TENM3: variants seen among roughly 807,000 people sequenced by gnomAD.
The protein encoded by TENM3 is teneurin transmembrane protein 3.
Under a neutral mutation model 255.1 loss-of-function variants are expected in TENM3, and 63 were observed. The observed-to-expected ratio is 0.25, with a 90% CI of 0.20 to 0.30. The LOEUF is 0.30. Among genes scored for constraint, TENM3 ranks in the 10% least tolerant of loss-of-function variants. The pLI, the probability that TENM3 is intolerant of heterozygous loss-of-function variation, is 1.00. For synonymous variants in TENM3, 1,306 were observed against 1,322.3 expected, an observed-to-expected ratio of 0.99 and a Z score of 0.27; for missense variants, 2,929 against 3,461.1, an observed-to-expected ratio of 0.85 and a Z score of 3.86.
At chr4:181,731,862 A>C in the TENM3 span, among the ~76,000 whole-genome samples, 1 of 152,344 alleles carries the variant, frequency 6.6e-6, no homozygotes, top group South Asian at 2.1e-4. Flanking sequence ...TTTTACGAAT[A>C]AATTTTACAT....
the TENM3 span, among the ~76,000 whole-genome samples, chr4:181,645,087 G>GA: frequency 1.1e-4 from 16 of 152,198 alleles, no homozygotes; most frequent in African/African-American, 3.9e-4. Context: ...ATTGGTGAAT[G>GA]ATGTGGATTG....
At chr4:182,397,381 C>A in intron 3 of TENM3, among the ~76,000 whole-genome samples, 1 of 107,712 alleles carries the variant, frequency 9.3e-6, no homozygotes, top group Non-Finnish European at 1.7e-5. Flanking sequence ...AGCCTGGTGA[C>A]AGAGCGAGAC....
At chr4:182,373,096 A>G (rs1272934687) in intron 3 of TENM3, among the ~76,000 whole-genome samples, 1 of 152,210 alleles carries the variant, frequency 6.6e-6, no homozygotes, top group Admixed American at 6.5e-5. Context: ...TGGCAATGGT[A>G]TATACCTGTC....
the TENM3 span, among the ~76,000 whole-genome samples, chr4:181,716,362 G>T: frequency 7.3e-4 from 111 of 152,210 alleles, no homozygotes; most frequent in African/African-American, 2.6e-3. Flanking sequence ...CAATATAAAA[G>T]TTATTGATGA....
intron 19 of TENM3, among the ~76,000 whole-genome samples, chr4:182,750,182 A>G (rs1762275612): frequency 6.6e-6 from 1 of 152,168 alleles, no homozygotes; most frequent in African/African-American, 2.4e-5. Flanking sequence ...TTGTTCTGAA[A>G]TGTTTTTCTT....
chr4:182,029,096 G>A, the TENM3 span, among the ~76,000 whole-genome samples: 2 of 152,108 alleles, frequency 1.3e-5, no homozygotes, highest in East Asian at 1.9e-4. Context: ...GGAAGCAAAC[G>A]TCTGGCATCA....
At chr4:182,394,427 T>C (rs533565331) in intron 3 of TENM3, among the ~76,000 whole-genome samples, 16 of 152,274 alleles carry the variant, frequency 1.1e-4, no homozygotes, top group Admixed American at 7.2e-4. Context: ...ACCCCACTTA[T>C]CTTGTGAAAA....
At chr4:181,923,600 G>A in the TENM3 span, among the ~76,000 whole-genome samples, 1 of 152,096 alleles carries the variant, frequency 6.6e-6, no homozygotes, top group South Asian at 2.1e-4. Flanking sequence ...AATATACCAA[G>A]TAAATCAAGA....
At chr4:182,664,734 A>C (rs981928595) in intron 6 of TENM3, among the ~76,000 whole-genome samples, 1 of 152,204 alleles carries the variant, frequency 6.6e-6, no homozygotes, top group African/African-American at 2.4e-5. Flanking sequence ...ACTGATAAGG[A>C]GAACATTTGA....
chr4:182,272,151 T>C (rs547412484), intron 1 of TENM3, among the ~76,000 whole-genome samples: 1 of 152,332 alleles, frequency 6.6e-6, no homozygotes, highest in East Asian at 1.9e-4. Context: ...AGTCGACGTA[T>C]TTTTGCAAAG....
At chr4:182,629,528 A>C (rs183826894) in intron 5 of TENM3, among the ~76,000 whole-genome samples, 3 of 152,210 alleles carry the variant, frequency 2.0e-5, no homozygotes, top group Admixed American at 2.0e-4. Context: ...TAACCATTTC[A>C]TAACATATCT....
chr4:182,298,387 GA>G (rs1379371972), intron 1 of TENM3, among the ~76,000 whole-genome samples: 7 of 152,300 alleles, frequency 4.6e-5, no homozygotes, highest in African/African-American at 1.7e-4. Flanking sequence ...CCTCAGAGTA[GA>G]TTCTCTTCTC....
the TENM3 span, among the ~76,000 whole-genome samples, chr4:181,801,426 G>A: frequency 5.9e-5 from 9 of 151,972 alleles, no homozygotes; most frequent in South Asian, 4.2e-4. Context: ...TTCAAGCACC[G>A]GTCTAAAAAC....
At chr4:181,849,503 G>T in the TENM3 span, among the ~76,000 whole-genome samples, 1 of 152,120 alleles carries the variant, frequency 6.6e-6, no homozygotes, top group Non-Finnish European at 1.5e-5. Context: ...TGATTAATTA[G>T]ATTTCAATTA....
the TENM3 span, among the ~76,000 whole-genome samples, chr4:181,562,234 G>A: frequency 3.2e-3 from 478 of 150,566 alleles, 1 homozygote; most frequent in African/African-American, 0.011. Context: ...TTTTTTTTAC[G>A]TTGTCTTCAT....
chr4:182,504,041 T>C (rs1736577260), intron 3 of TENM3, among the ~76,000 whole-genome samples: 1 of 151,978 alleles, frequency 6.6e-6, no homozygotes, highest in Non-Finnish European at 1.5e-5. Flanking sequence ...TTTACTGCCT[T>C]TCCCAACTAG....
chr4:182,191,866 A>G (rs1244392520), intron 1 of TENM3, among the ~76,000 whole-genome samples: 2 of 152,168 alleles, frequency 1.3e-5, no homozygotes, highest in African/African-American at 4.8e-5. Context: ...TCGCTGATCT[A>G]CTTTTGCATC....
the TENM3 span, among the ~76,000 whole-genome samples, chr4:181,652,142 TAAA>T: frequency 0.057 from 6,492 of 114,620 alleles, 205 homozygotes; most frequent in Middle Eastern, 0.12. Flanking sequence ...CACTTTGGGG[TAAA>T]AAAAAAAAAA....
Position 182,755,220 on chromosome 4 carries a change from C to T in TENM3, c.4853C>T (p.Ala1618Val), listed in dbSNP as rs768180150. The T allele has an allele frequency of 2.5e-6, 4 of 1,608,482 alleles. No homozygotes were observed. Among genetic ancestry groups the T allele is most frequent in the Non-Finnish European group, 3.4e-6 (4 of 1,179,290 alleles). ...TACCATGGCAATAGTGGCCTTTTAG[C>T]CACTAAAAGTGATGAAACTGGATGG... is the stretch of plus-strand genomic sequence containing the variant. ...FTYHGNSGLL[A>V]TKSDETGWTT... The change falls in exon 22 of 28, where the codon GCC becomes GTC. Residue 1618 changes from alanine (A) to valine (V), a missense_variant. Coordinates refer to ENST00000511685, the MANE Select transcript of TENM3 (RefSeq NM_001080477.4).
Sources: allele counts gnomAD v4.1 joint callset (sites outside exome capture counted in the v4.1 genomes callset), GRCh38; gene constraint gnomAD v4.1.1; transcripts MANE v1.5; gene names NCBI Gene and HGNC (gene_info 2026-07-23, HGNC 2026-07-21).